ABCC3: variants seen among roughly 807,000 people sequenced by gnomAD.
ABCC3 encodes the protein ATP-binding cassette sub-family C member 3.
ABCC3 carries 121 observed loss-of-function variants against 165.3 expected under a neutral mutation model. The ratio of observed to expected loss-of-function variants is 0.73; its 90% CI spans 0.63 to 0.85. ABCC3 has a LOEUF of 0.85. Ranked by LOEUF, ABCC3 falls within the 40% of genes least tolerant of loss-of-function variation. The pLI, the probability that ABCC3 is intolerant of heterozygous loss-of-function variation, is 0.00. For missense variants in ABCC3, 1,869 were observed against 1,964.1 expected (o/e 0.95, Z 0.92); for synonymous variants, 733 against 810.1 (o/e 0.90, Z 1.62).
At chr17:50,681,033 G>A (rs979741549) in intron 26 of ABCC3, among the ~76,000 whole-genome samples, 3 of 151,482 alleles carry the variant, frequency 2.0e-5, no homozygotes, top group Non-Finnish European at 2.9e-5. Flanking sequence ...CCGAGATTGC[G>A]CCACTGCACC....
chr17:50,676,438 C>G lies in ABCC3; in HGVS notation c.3228C>G (p.Ile1076Met). 1 of 1,614,242 alleles carries G rather than the reference C, an allele frequency of 6.2e-7. No homozygotes were observed. The highest frequency in any genetic ancestry group is 8.5e-7 in the Non-Finnish European group (1 of 1,180,046). ...GRILNCFSKD[I>M]YVVDEVLAPV... The stretch of plus-strand genomic sequence containing the variant: ...TCCTGAACTGCTTCTCCAAGGACAT[C>G]TATGTCGTTGATGAGGTTCTGGCCC... Residue 1076 changes from isoleucine to methionine, a missense_variant, in exon 23 of 31, where the codon ATC becomes ATG. Physicochemically the swap from Ile to Met is conservative, Grantham distance 10. Transcript: ENST00000285238.
chr17:50,668,278 C>A, intron 13 of ABCC3, 152 bp from the exon 14 acceptor site: 1 of 684,468 alleles, frequency 1.5e-6, no homozygotes, highest in Non-Finnish European at 2.5e-6. Flanking sequence ...GCAGTGGGAG[C>A]CATGGAAGAC....
chr17:50,682,259 T>C (rs1597861044), intron 26 of ABCC3, among the ~76,000 whole-genome samples: 1 of 149,128 alleles, frequency 6.7e-6, no homozygotes, highest in East Asian at 2.0e-4. Flanking sequence ...GCACTGGGCC[T>C]CCCAAATTAT....
rs773030229 is a variant in ABCC3, at chr17:50,659,276, G to A, written c.714G>A (p.Lys238=). Reference sequence around the variant, plus strand: ...GCTACCGGCATCCCCTGGAGGAGAAGGACCTCTGGTCCCTAAAGGAAGAGG... The same window carrying A: ...GCTACCGGCATCCCCTGGAGGAGAAAGACCTCTGGTCCCTAAAGGAAGAGG... ...IYGYRHPLEE[K]DLWSLKEEDR... The change falls in exon 7 of 31, where the codon AAG becomes AAA. Residue 238 remains lysine (K), a synonymous_variant. Transcript: ENST00000285238. The A allele has an allele frequency of 2.5e-6, 4 of 1,613,964 alleles. No homozygotes were observed. Among genetic ancestry groups the A allele is most frequent in the South Asian group, 1.1e-5 (1 of 91,082 alleles).
In ABCC3 at chr17:50,659,229, C is replaced by T. The variant is rs763007677; in HGVS notation, c.675-8C>T. On this transcript the variant is annotated splice_polypyrimidine_tract_variant and splice_region_variant and intron_variant, in intron 6 of 30. Transcript: ENST00000285238. ...CGGGGCTGCCTGCCGGGCTTCACCT[C>T]CCCCCAGGATGGCCATCTATGGCTA... The T allele has an allele frequency of 1.2e-6, 2 of 1,612,288 alleles. No individual in the cohort carries two copies. Among genetic ancestry groups the T allele is most frequent in the Admixed American group, 3.3e-5 (2 of 59,978 alleles).
At chr17:50,650,239 G>A (rs1010847940) in intron 1 of ABCC3, among the ~76,000 whole-genome samples, 4 of 152,218 alleles carry the variant, frequency 2.6e-5, no homozygotes, top group African/African-American at 9.6e-5. Context: ...TCAAGTAGCT[G>A]GGATTACAGG....
intron 7 of ABCC3, among the ~76,000 whole-genome samples, chr17:50,660,044 A>G (rs1462618231): frequency 6.6e-6 from 1 of 152,118 alleles, no homozygotes; most frequent in Non-Finnish European, 1.5e-5. Flanking sequence ...AGGGCCTCCC[A>G]GGGTCCCCAA....
At chr17:50,688,286 T>G (rs1968060559) in intron 30 of ABCC3, 2 of 152,718 alleles carry the variant, frequency 1.3e-5, no homozygotes, top group Non-Finnish European at 2.9e-5. Context: ...ACAGGCCACT[T>G]GCATCCTGCC....
intron 8 of ABCC3, 78 bp from the exon 9 acceptor site, chr17:50,663,603 G>C: frequency 6.5e-7 from 1 of 1,534,722 alleles, no homozygotes; most frequent in Non-Finnish European, 8.9e-7. Context: ...GAGACTGCGG[G>C]TAAAAGCAAA....
chr17:50,685,305 T>TGACTA (rs1968005124), intron 29 of ABCC3, among the ~76,000 whole-genome samples: 1 of 152,198 alleles, frequency 6.6e-6, no homozygotes, highest in African/African-American at 2.4e-5. Context: ...TCTTACTGAG[T>TGACTA]CTAAAGGTTG....
At position 50,677,863 on chromosome 17, in the gene ABCC3, C is replaced by T; in HGVS notation, c.3498C>T (p.Arg1166=). The T allele has an allele frequency of 1.9e-6, 3 of 1,614,188 alleles. No individual in the cohort carries two copies. Among genetic ancestry groups the T allele is most frequent in the Non-Finnish European group, 2.5e-6 (3 of 1,180,034 alleles). ...TGASVIRAYN[R]SRDFEIISDT... is the part of the protein sequence containing the mutation. ...CCAGTGTCATCCGGGCCTACAACCG[C>T]AGCCGGGATTTTGAGATCATCAGTG... Residue 1166 remains arginine, a synonymous_variant, in exon 24 of 31, where the codon CGC becomes CGT. Transcript: ENST00000285238.
intron 1 of ABCC3, among the ~76,000 whole-genome samples, chr17:50,645,928 C>G (rs1249482022): frequency 6.6e-6 from 1 of 152,106 alleles, no homozygotes; most frequent in African/African-American, 2.4e-5. Context: ...TTTTTCTGAG[C>G]ACCTACTATG....
chr17:50,667,131 G>A (rs901216136), intron 11 of ABCC3, among the ~76,000 whole-genome samples: 1 of 152,134 alleles, frequency 6.6e-6, no homozygotes, highest in Admixed American at 6.6e-5. Flanking sequence ...TGAGACAGGA[G>A]GATCAAAGGA....
In ABCC3 at chr17:50,691,444, C is replaced by T. The variant is rs1434905838; in HGVS notation, c.*244C>T. ...CCAGTTAGACTAGTCCCCGGTCTCC[C>T]GATTCCCAACTGAGTGTTATTTGCA... On this transcript the variant is annotated 3_prime_UTR_variant, in exon 31 of 31. Coordinates refer to ENST00000285238, the MANE Select transcript of ABCC3 (RefSeq NM_003786.4). 4 of 428,550 alleles carry T rather than the reference C, an allele frequency of 9.3e-6. No individual in the cohort carries two copies. The East Asian group carries it at 1.6e-4, about 17-fold the overall frequency. The allele number at this position is 428,550 out of a possible 1,614,324, so 26.5% of individuals were successfully genotyped here. A position where few individuals can be genotyped will look rare whatever the true frequency, so the allele number is the denominator to read the frequency against.
chr17:50,691,356 CT>C lies in ABCC3; in HGVS notation c.*159del. 1.7e-6 allele frequency: 1 copy of C among 597,766 alleles called. No individual in the cohort carries two copies. The allele number at this position is 597,766 out of a possible 1,614,324, so 37.0% of individuals were successfully genotyped here. A position where few individuals can be genotyped will look rare whatever the true frequency, so the allele number is the denominator to read the frequency against. Reference sequence around the variant, plus strand: ...CCTTACAGGGTAACTGTGCTGAATGCTTTAGATGAGGAAATGATCCCCAAGT... The same window carrying C: ...CCTTACAGGGTAACTGTGCTGAATGCTTAGATGAGGAAATGATCCCCAAGT... On this transcript the variant is annotated 3_prime_UTR_variant, in exon 31 of 31. Coordinates refer to ENST00000285238, the MANE Select transcript of ABCC3 (RefSeq NM_003786.4).
In ABCC3 at chr17:50,675,359, C is replaced by T. The variant is rs771800036; in HGVS notation, c.2600-3C>T. On this transcript the variant is annotated splice_region_variant and splice_polypyrimidine_tract_variant and intron_variant, in intron 19 of 30. Transcript: ENST00000285238. Reference sequence around the variant, plus strand: ...CTATCTCCTTCCTCCCACCCTACTGCAGCGTTGGAAGGTGCAGAGGATAAG... The same window carrying T: ...CTATCTCCTTCCTCCCACCCTACTGTAGCGTTGGAAGGTGCAGAGGATAAG... 2.8e-5 allele frequency: 45 copies of T among 1,605,362 alleles called. No individual in the cohort carries two copies. In the Admixed American group the frequency reaches 7.6e-4, roughly 27 times the overall value.
rs1159050116 is a variant in ABCC3, at chr17:50,683,992, C to T, written c.3998C>T (p.Thr1333Ile). 1 of 1,613,680 alleles carries T rather than the reference C, an allele frequency of 6.2e-7. No homozygotes were observed. Among genetic ancestry groups the T allele is most frequent in the East Asian group, 2.2e-5 (1 of 44,860 alleles). ...GRTGAGKSSM[T>I]LCLFRILEAA... ...ACTGGGGCTGGCAAGTCTTCCATGACCCTTTGCCTGTTCCGCATCCTGGAG... is the reference window on the plus strand; with the variant it reads ...ACTGGGGCTGGCAAGTCTTCCATGATCCTTTGCCTGTTCCGCATCCTGGAG... The change falls in exon 28 of 31, where the codon ACC becomes ATC. Residue 1333 changes from threonine to isoleucine, a missense_variant. Physicochemically the swap from Thr to Ile is moderately conservative, Grantham distance 89. Coordinates refer to ENST00000285238, the MANE Select transcript of ABCC3 (RefSeq NM_003786.4).
chr17:50,638,925 C>A (rs971557943), intron 1 of ABCC3, among the ~76,000 whole-genome samples: 2 of 152,190 alleles, frequency 1.3e-5, no homozygotes, highest in Admixed American at 1.3e-4. Context: ...GAAGGATGAG[C>A]CTTGGGCTTG....
chr17:50,683,475 G>T (rs1245292613), intron 26 of ABCC3, 135 bp from the exon 27 acceptor site: 1 of 971,338 alleles, frequency 1.0e-6, no homozygotes, highest in Non-Finnish European at 1.4e-6. Flanking sequence ...ACACAAGGCT[G>T]AGCCACAGGG....
Sources: gnomAD v4.1 joint callset for allele counts (sites outside exome capture counted in the v4.1 genomes callset) on GRCh38, gnomAD v4.1.1 for gene constraint, MANE v1.5 for transcripts, NCBI Gene and HGNC (gene_info 2026-07-23, HGNC 2026-07-21) for gene names.